The following FTCD variants were observed in gnomAD, a reference collection of about 807,000 sequenced individuals.
FTCD encodes the protein formimidoyltransferase cyclodeaminase, also known as formimidoyltransferase-cyclodeaminase.
FTCD carries 76 observed loss-of-function variants against 62.9 expected under a neutral mutation model. That is an observed-to-expected ratio of 1.21 (90% CI 1.00 to 1.46). FTCD has a LOEUF of 1.46. Ranked by LOEUF, FTCD falls within the 40% of genes most tolerant of loss-of-function variation. The probability of loss-of-function intolerance (pLI) is 0.00; values close to 1 mark genes in which losing one functional copy is unlikely to be tolerated. For synonymous variants in FTCD, 397 were observed against 336.9 expected (o/e 1.18, Z -1.95); for missense variants, 845 against 751.3 (o/e 1.12, Z -1.46).
rs886057174 is a variant in FTCD, at chr21:46,145,475, G to A, written c.1202C>T (p.Ala401Val). 57 of 1,558,904 alleles carry A rather than the reference G, an allele frequency of 3.7e-5. No homozygotes were observed. The highest frequency in any genetic ancestry group is 4.8e-5 in the Non-Finnish European group (55 of 1,152,302). Residue 401 changes from alanine (A) to valine (V), a missense_variant, in exon 10 of 14, where the codon GCT (alanine) becomes GTT (valine). By Grantham distance (64) the Ala-to-Val change is moderately conservative (BLOSUM62 0). Coordinates refer to ENST00000397746, the MANE Select transcript of FTCD (RefSeq NM_206965.2). The part of the protein sequence containing the change: ...MRRLIPPFRE[A>V]SAKLTTLVDA... The stretch of plus-strand genomic sequence containing the variant: ...CACCAGCGTGGTTAGCTTGGCCGAA[G>A]CCTCGCGGAAGGGCGGGATCAGGCG...
At chr21:46,154,504 G>A (rs2079383867) in intron 1 of FTCD, among the ~76,000 whole-genome samples, 172 bp from the exon 2 acceptor site, 1 of 151,944 alleles carries the variant, frequency 6.6e-6, no homozygotes, top group Admixed American at 6.6e-5. Flanking sequence ...CACAGCGGCC[G>A]CCCGGGAACC....
At chr21:46,150,675 TGGCCGGGGAG>T (rs1346490668) in intron 5 of FTCD, 150 bp from the exon 6 acceptor site, 1 of 853,638 alleles carries the variant, frequency 1.2e-6, no homozygotes, top group Non-Finnish European at 2.0e-6. Flanking sequence ...CTCACTGAGC[TGGCCGGGGAG>T]GGCCAGAGAA....
chr21:46,138,413 C>T (rs1601292747), intron 12 of FTCD, 95 bp downstream of exon 12: 1 of 1,271,406 alleles, frequency 7.9e-7, no homozygotes, highest in Non-Finnish European at 1.1e-6. Context: ...CTACCTGGCT[C>T]AGCCCAGCCA....
rs531779774 is a variant in FTCD at position 46,136,834 on chromosome 21, C to A, written c.*153G>T. On this transcript the variant is annotated 3_prime_UTR_variant, in exon 14 of 14. Transcript: ENST00000397746. ...TGGGACTAGGGGCCTTCTGTCCCTG[C>A]CAGCGCCTCCATTCCCAGGCGATGC... The A allele has an allele frequency of 2.1e-5, 32 of 1,550,110 alleles. No individual in the cohort carries two copies. The East Asian group carries it at 7.1e-4, about 34-fold the overall frequency.
intron 7 of FTCD, among the ~76,000 whole-genome samples, chr21:46,147,625 T>A (rs915371502): frequency 6.6e-6 from 1 of 151,882 alleles, no homozygotes; most frequent in African/African-American, 2.4e-5. Flanking sequence ...GCCGCAGGCA[T>A]GGGGCCCTTC....
intron 10 of FTCD, among the ~76,000 whole-genome samples, chr21:46,139,855 C>T (rs907961072): frequency 6.6e-6 from 1 of 152,178 alleles, no homozygotes; most frequent in Non-Finnish European, 1.5e-5. Flanking sequence ...CCTCAAGCTG[C>T]GACTCGCGCT....
At chr21:46,147,817 G>A (rs956777374) in intron 7 of FTCD, among the ~76,000 whole-genome samples, 2 of 151,778 alleles carry the variant, frequency 1.3e-5, no homozygotes. Flanking sequence ...GGTGGCACAC[G>A]CCTGTAATCC....
chr21:46,151,274 C>A (rs2079266619), intron 5 of FTCD, among the ~76,000 whole-genome samples: 1 of 152,202 alleles, frequency 6.6e-6, no homozygotes, highest in Middle Eastern at 3.2e-3. Context: ...TGTTTCCCAG[C>A]AGTATGGAAA....
chr21:46,150,215 C>T lies in FTCD; in HGVS notation c.810G>A (p.Val270=). The T allele has an allele frequency of 6.2e-7, 1 of 1,609,742 alleles. No homozygotes were observed. Among genetic ancestry groups the T allele is most frequent in the Non-Finnish European group, 8.5e-7 (1 of 1,178,772 alleles). ...LSLPVVGSQL[V]GLVPLKALLD... is the part of the protein sequence containing the mutation. ...GCAGAGCCTTCAGGGGCACCAGGCC[C>T]ACCAGCTGTGAGCCCACCACTGGGA... The change falls in exon 7 of 14, where the codon GTG becomes GTA. Residue 270 remains valine, a synonymous_variant. Coordinates refer to ENST00000397746, the MANE Select transcript of FTCD (RefSeq NM_206965.2).
At position 46,151,878 on chromosome 21, in the gene FTCD, CG is replaced by C; in HGVS notation, c.456+13del. The stretch of plus-strand genomic sequence containing the variant: ...CACCTCCTTCCCAGGCCCGACCGCC[CG>C]GGGTGGGGGCACCTTCTTAGGGAGG... On this transcript the variant is annotated intron_variant, in intron 4 of 13. Coordinates refer to ENST00000397746, the MANE Select transcript of FTCD (RefSeq NM_206965.2). The C allele has an allele frequency of 6.4e-7, 1 of 1,555,414 alleles. No individual in the cohort carries two copies. The highest frequency in any genetic ancestry group is 2.4e-5 in the East Asian group (1 of 41,632).
chr21:46,144,992 C>T (rs910575680), intron 10 of FTCD, among the ~76,000 whole-genome samples: 4 of 151,794 alleles, frequency 2.6e-5, no homozygotes, highest in African/African-American at 9.7e-5. Context: ...GTGGCTGAAA[C>T]GGGTCGTCTC....
At position 46,150,409 on chromosome 21, in the gene FTCD, C is replaced by G. The variant is rs911059343; in HGVS notation, c.753G>C (p.Glu251Asp). The change falls in exon 6 of 14, where the codon GAG (glutamate) becomes GAC (aspartate). Residue 251 changes from glutamate to aspartate, a missense_variant. Glu to Asp is a conservative substitution (Grantham distance 45, BLOSUM62 2). Transcript: ENST00000397746. Reference sequence around the variant, plus strand: ...TCACCTGTGCTTCTCGGCAGGTCTCCTCGTAGACCGTGTGCAGTGCCGTGA... The same window carrying G: ...TCACCTGTGCTTCTCGGCAGGTCTCGTCGTAGACCGTGTGCAGTGCCGTGA... ...FEVTALHTVY[E>D]ETCREAQELS... The G allele has an allele frequency of 6.2e-7, 1 of 1,613,042 alleles. No homozygotes were observed. The highest frequency in any genetic ancestry group is 8.5e-7 in the Non-Finnish European group (1 of 1,179,994).
intron 10 of FTCD, among the ~76,000 whole-genome samples, chr21:46,144,230 G>A (rs1236749312): frequency 4.0e-5 from 6 of 151,450 alleles, no homozygotes; most frequent in African/African-American, 9.7e-5. Context: ...ACCGGTCTCC[G>A]TGTCTTAGTG....
chr21:46,154,606 G>A (rs981644911), intron 1 of FTCD, among the ~76,000 whole-genome samples: 3 of 152,236 alleles, frequency 2.0e-5, no homozygotes, highest in Non-Finnish European at 2.9e-5. Context: ...GCTCTGCTCC[G>A]ACAGACAGAT....
rs56829757 is a variant in FTCD at position 46,154,219 on chromosome 21, C to A, written c.168G>T (p.Glu56Asp). Residue 56 changes from glutamate to aspartate, a missense_variant, in exon 2 of 14, where the codon GAG (glutamate) becomes GAT (aspartate). Glu to Asp is a conservative substitution (Grantham distance 45). Transcript: ENST00000397746. Reference protein sequence around the residue: ...RTVYTFVGPPECVVEGALNAA... With the variant: ...RTVYTFVGPPDCVVEGALNAA... ...CGTTGAGGGCCCCCTCCACCACGCA[C>A]TCCGGCGGCCCCACGAAGGTGTACA... The A allele has an allele frequency of 1.2e-6, 2 of 1,612,864 alleles. No homozygotes were observed. The highest frequency in any genetic ancestry group is 1.3e-5 in the African/African-American group (1 of 75,064).
intron 2 of FTCD, 98 bp downstream of exon 2, chr21:46,154,051 C>A: frequency 7.6e-7 from 1 of 1,313,200 alleles, no homozygotes. Flanking sequence ...CGTTCCAAGC[C>A]TGGGCCCCGG....
intron 10 of FTCD, among the ~76,000 whole-genome samples, chr21:46,139,331 C>T (rs1056268958): frequency 6.6e-6 from 1 of 152,190 alleles, no homozygotes; most frequent in African/African-American, 2.4e-5. Context: ...GCAGAAGGAC[C>T]AAGAGCAAAC....
In FTCD at chr21:46,152,896, G is replaced by GCGGGGGA. The variant is rs768852908; in HGVS notation, c.367+10_367+11insTCCCCCG. The GCGGGGGA allele has an allele frequency of 3.8e-5, 59 of 1,553,200 alleles. No homozygotes were observed. The East Asian group carries it at 1.3e-3, about 34-fold the overall frequency. The stretch of plus-strand genomic sequence containing the variant: ...GGGAGCAGAGTGAGGGGGGCGGGGG[G>GCGGGGGA]GCACGCTCACCTGGCACGTCCAGCT... On this transcript the variant is annotated intron_variant, in intron 3 of 13. Coordinates refer to ENST00000397746, the MANE Select transcript of FTCD (RefSeq NM_206965.2).
At chr21:46,140,877 C>CGTGGCTCACAGGGAGCGTAAACCA (rs2078987997) in intron 10 of FTCD, among the ~76,000 whole-genome samples, 1 of 151,084 alleles carries the variant, frequency 6.6e-6, no homozygotes, top group African/African-American at 2.4e-5. Context: ...TCTGCCTTCA[C>CGTGGCTCACAGGGAGCGTAAACCA]ATTGCTCACA....
Sources: gnomAD v4.1 joint callset for allele counts (sites outside exome capture counted in the v4.1 genomes callset) on GRCh38, gnomAD v4.1.1 for gene constraint, MANE v1.5 for transcripts, NCBI Gene and HGNC (gene_info 2026-07-23, HGNC 2026-07-21) for gene names.